YOD1: variants seen among roughly 807,000 people sequenced by gnomAD.
YOD1 encodes ubiquitin thioesterase OTU1.
In YOD1, 17 loss-of-function variants were observed where a neutral mutation model predicts 23.7. The observed-to-expected ratio is 0.72, with a 90% CI of 0.49 to 1.07. The LOEUF (loss-of-function observed/expected upper bound fraction) is 1.07. Among genes scored for constraint, YOD1 ranks in the 50% least tolerant of loss-of-function variants. YOD1 has a pLI of 0.00. For missense variants in YOD1, 413 were observed against 447.2 expected, an observed-to-expected ratio of 0.92 and a Z score of 0.69; for synonymous variants, 191 against 169.6, an observed-to-expected ratio of 1.13 and a Z score of -0.98.
chr1:207,048,185 A>G lies in YOD1; in HGVS notation c.*835T>C, dbSNP rs1682643440. On this transcript the variant is annotated 3_prime_UTR_variant, in exon 2 of 2. Coordinates refer to ENST00000315927, the MANE Select transcript of YOD1 (RefSeq NM_018566.4). ...TATCCAATGTGACAAAGACCAATACATGAATTGCATTAAAACACGAGGCCA... is the reference window on the plus strand; with the variant it reads ...TATCCAATGTGACAAAGACCAATACGTGAATTGCATTAAAACACGAGGCCA... The G allele has an allele frequency of 6.6e-6, 1 of 152,664 alleles. No individual in the cohort carries two copies. The highest frequency in any genetic ancestry group is 1.5e-5 in the Non-Finnish European group (1 of 68,042). 9.5% of individuals were successfully genotyped at this position (152,664 alleles called of 1,614,324 possible). A position where few individuals can be genotyped will look rare whatever the true frequency, so the allele number is the denominator to read the frequency against.
rs200240324 is a variant in YOD1, at chr1:207,049,211, A to C, written c.856T>G (p.Phe286Val). The C allele has an allele frequency of 5.0e-5, 81 of 1,614,050 alleles. No homozygotes were observed. Among genetic ancestry groups the C allele is most frequent in the Non-Finnish European group, 6.6e-5 (78 of 1,180,044 alleles). ...AGAACAATATCATCATTAGAGGAGA[A>C]AATGGTCAGAGGAGGTGTATCTGGA... ...PDPDTPPLTI[F>V]SSNDDIVLVQ... Residue 286 changes from phenylalanine (F) to valine (V), a missense_variant, in exon 2 of 2, where the codon TTC (phenylalanine) becomes GTC (valine). Physicochemically the swap from Phe to Val is conservative, Grantham distance 50. Transcript: ENST00000315927.
chr1:207,052,372 A>G, upstream of YOD1: 1 of 708,932 alleles, frequency 1.4e-6, no homozygotes, highest in South Asian at 1.7e-5. Context: ...TTAGAAGTCC[A>G]CCGGGGTGGC....
Position 207,045,629 on chromosome 1 carries a change from T to G in YOD1, c.*3391A>C, listed in dbSNP as rs190598841. On this transcript the variant is annotated 3_prime_UTR_variant, in exon 2 of 2. Coordinates refer to ENST00000315927, the MANE Select transcript of YOD1 (RefSeq NM_018566.4). ...AAAAAAAAATCACTCTTGCTTAATC[T>G]TGCATACTTCCCATTCCATTTTTTT... 5.3e-5 allele frequency: 8 copies of G among 152,348 alleles called. No homozygotes were observed. Among genetic ancestry groups the G allele is most frequent in the African/African-American group, 1.9e-4 (8 of 41,536 alleles). The allele number at this position is 152,348 out of a possible 1,614,324, so 9.4% of individuals were successfully genotyped here.
At position 207,050,935 on chromosome 1, in the gene YOD1, G is replaced by T. The variant is rs1391195850; in HGVS notation, c.96C>A (p.Gly32=). The change falls in exon 1 of 2, where the codon GGC becomes GGA. Residue 32 remains glycine (G), a synonymous_variant. Coordinates refer to ENST00000315927, the MANE Select transcript of YOD1 (RefSeq NM_018566.4). ...VSQQAAGTKA[G]PAGAWPVGSR... is the part of the protein sequence containing the mutation. ...TGCCCACAGGCCAGGCACCCGCGGG[G>T]CCAGCTTTGGTCCCGGCAGCCTGTT... 1 of 1,584,072 alleles carries T rather than the reference G, an allele frequency of 6.3e-7. No individual in the cohort carries two copies. Among genetic ancestry groups the T allele is most frequent in the Non-Finnish European group, 8.6e-7 (1 of 1,164,840 alleles).
chr1:207,049,300 G>T lies in YOD1; in HGVS notation c.767C>A (p.Thr256Asn). Reference sequence around the variant, plus strand: ...ATCATAAATAAGCAGAACCCTTTTGGTATATCCTGCATCTTCCCCAAAACG... The same window carrying T: ...ATCATAAATAAGCAGAACCCTTTTGTTATATCCTGCATCTTCCCCAAAACG... ...IDRFGEDAGY[T>N]KRVLLIYDGI... is the part of the protein sequence containing the mutation. Residue 256 changes from threonine to asparagine, a missense_variant, in exon 2 of 2, where the codon ACC becomes AAC. Physicochemically the swap from Thr to Asn is moderately conservative, Grantham distance 65 (BLOSUM62 0). Coordinates refer to ENST00000315927, the MANE Select transcript of YOD1 (RefSeq NM_018566.4). 6.2e-7 allele frequency: 1 copy of T among 1,614,050 alleles called. No homozygotes were observed. Among genetic ancestry groups the T allele is most frequent in the Non-Finnish European group, 8.5e-7 (1 of 1,180,030 alleles).
In YOD1 at chr1:207,050,977, G is replaced by T. The variant is rs563387440; in HGVS notation, c.54C>A (p.Phe18Leu). ...CAGCCTGTTGGGAGACGCCGCCGGG[G>T]AAACCAGGCGCCGGGTGGACTCCAA... is the stretch of plus-strand genomic sequence containing the variant. ...RHFGVHPAPGFPGGVSQQAAG... is the reference protein window; with the variant it reads ...RHFGVHPAPGLPGGVSQQAAG... The change falls in exon 1 of 2, where the codon TTC (phenylalanine) becomes TTA (leucine). Residue 18 changes from phenylalanine (F) to leucine (L), a missense_variant. By Grantham distance (22) the Phe-to-Leu change is conservative. Coordinates refer to ENST00000315927, the MANE Select transcript of YOD1 (RefSeq NM_018566.4). 247 of 1,539,722 alleles carry T rather than the reference G, an allele frequency of 1.6e-4. 2 individuals carry two copies. The East Asian group carries it at 2.7e-3, about 17-fold the overall frequency.
rs1682669742 is a variant in YOD1, at chr1:207,049,163, C to T, written c.904G>A (p.Asp302Asn). ...AACTGTCTCCTTCTTCTAGCTTCAT[C>T]TGCTAATTCCAGTGCTTGTACAAGA... ...IVLVQALELA[D>N]EARRRRQFTD... is the part of the protein sequence containing the mutation. Residue 302 changes from aspartate (D) to asparagine (N), a missense_variant, in exon 2 of 2, where the codon GAT (aspartate) becomes AAT (asparagine). Physicochemically the swap from Asp to Asn is conservative, Grantham distance 23 (BLOSUM62 1). Coordinates refer to ENST00000315927, the MANE Select transcript of YOD1 (RefSeq NM_018566.4). 4 of 1,613,984 alleles carry T rather than the reference C, an allele frequency of 2.5e-6. No individual in the cohort carries two copies. Among genetic ancestry groups the T allele is most frequent in the Non-Finnish European group, 3.4e-6 (4 of 1,180,042 alleles).
Position 207,044,014 on chromosome 1 carries a change from T to C in YOD1, c.*5006A>G, listed in dbSNP as rs1044145. The stretch of plus-strand genomic sequence containing the variant: ...AGACATCTTCCAGGTAGCAGCAGTG[T>C]ATTACTTCAAAAAATGCTGGCAAAT... On this transcript the variant is annotated 3_prime_UTR_variant, in exon 2 of 2. Transcript: ENST00000315927. The C allele has an allele frequency of 0.61, 93,053 of 152,426 alleles. 30,033 individuals are homozygous for C. Among genetic ancestry groups the C allele is most frequent in the African/African-American group, 0.81 (33,793 of 41,528 alleles). 9.4% of individuals were successfully genotyped at this position (152,426 alleles called of 1,614,324 possible). A position where few individuals can be genotyped will look rare whatever the true frequency, so the allele number is the denominator to read the frequency against.
chr1:207,046,777 T>C lies in YOD1; in HGVS notation c.*2243A>G, dbSNP rs533100787. 1 of 152,240 alleles carries C rather than the reference T, an allele frequency of 6.6e-6. No individual in the cohort carries two copies. Among genetic ancestry groups the C allele is most frequent in the East Asian group, 1.9e-4 (1 of 5,188 alleles). The allele number at this position is 152,240 out of a possible 1,614,324, so 9.4% of individuals were successfully genotyped here. On this transcript the variant is annotated 3_prime_UTR_variant, in exon 2 of 2. Transcript: ENST00000315927. ...TTCCATTTGTTAAATTTACCCACTG[T>C]AGAAAATATATACTGAATATAAAGT...
At chr1:207,052,276 C>T, upstream of YOD1, 2 of 1,560,386 alleles carry the variant, frequency 1.3e-6, no homozygotes, top group Non-Finnish European at 1.8e-6. Context: ...TTTGCTGGTG[C>T]AATTTTCCTC....
In YOD1 at chr1:207,051,098, C is replaced by A; in HGVS notation, c.-68G>T. ...TGCGGCTTCTGCCTTAGTACCTTAG[C>A]AAGCGCGAACTCTTTTAAAGTGACA... is the stretch of plus-strand genomic sequence containing the variant. On this transcript the variant is annotated 5_prime_UTR_variant, in exon 1 of 2. Coordinates refer to ENST00000315927, the MANE Select transcript of YOD1 (RefSeq NM_018566.4). The A allele has an allele frequency of 7.0e-7, 1 of 1,436,192 alleles. No individual in the cohort carries two copies. The highest frequency in any genetic ancestry group is 9.1e-7 in the Non-Finnish European group (1 of 1,099,498). 89.0% of individuals were successfully genotyped at this position (1,436,192 alleles called of 1,614,324 possible).
chr1:207,046,211 T>C lies in YOD1; in HGVS notation c.*2809A>G, dbSNP rs962043692. 2.6e-5 allele frequency: 4 copies of C among 152,142 alleles called. No individual in the cohort carries two copies. The highest frequency in any genetic ancestry group is 6.5e-5 in the Admixed American group (1 of 15,284). 9.4% of individuals were successfully genotyped at this position (152,142 alleles called of 1,614,324 possible). ...TTTAATTTTTAAAAAAATTCCTCTA[T>C]GGCAGGCAAAAACTCAATGAATAGG... On this transcript the variant is annotated 3_prime_UTR_variant, in exon 2 of 2. Coordinates refer to ENST00000315927, the MANE Select transcript of YOD1 (RefSeq NM_018566.4).
At chr1:207,051,342 A>T (rs1193396408), upstream of YOD1, among the ~76,000 whole-genome samples, 1 of 151,818 alleles carries the variant, frequency 6.6e-6, no homozygotes, top group Admixed American at 6.6e-5. Flanking sequence ...TGGGGCTTCC[A>T]CACTACACCC....
Position 207,051,196 on chromosome 1 carries a change from C to T in YOD1, c.-166G>A. ...CCTAAAGGACAACGGGTCTTGCTAC[C>T]TATAGAGCGAGTGAGGTGCCCTCCG... On this transcript the variant is annotated 5_prime_UTR_variant, in exon 1 of 2. Coordinates refer to ENST00000315927, the MANE Select transcript of YOD1 (RefSeq NM_018566.4). 2 of 1,342,260 alleles carry T rather than the reference C, an allele frequency of 1.5e-6. No homozygotes were observed. The highest frequency in any genetic ancestry group is 1.9e-6 in the Non-Finnish European group (2 of 1,033,066). The allele number at this position is 1,342,260 out of a possible 1,614,324, so 83.1% of individuals were successfully genotyped here.
rs372148879 is a variant in YOD1, at chr1:207,050,760, C to T, written c.271G>A (p.Val91Ile). Reference sequence around the variant, plus strand: ...TCCAGGCACTCGGGAGGGTATCCGACGAGGATTCGCTGACCGCCGGGGGCG... The same window carrying T: ...TCCAGGCACTCGGGAGGGTATCCGATGAGGATTCGCTGACCGCCGGGGGCG... ...GIAPGGQRILVGYPPECLDLS... is the reference protein window; with the variant it reads ...GIAPGGQRILIGYPPECLDLS... Residue 91 changes from valine to isoleucine, a missense_variant, in exon 1 of 2, where the codon GTC (valine) becomes ATC (isoleucine). By Grantham distance (29) the Val-to-Ile change is conservative. Transcript: ENST00000315927. 4.3e-5 allele frequency: 70 copies of T among 1,613,272 alleles called. No homozygotes were observed. Among genetic ancestry groups the T allele is most frequent in the Non-Finnish European group, 5.5e-5 (65 of 1,180,050 alleles).
rs560249136 is a variant in YOD1, at chr1:207,047,486, A to C, written c.*1534T>G. The C allele has an allele frequency of 6.5e-6, 1 of 152,770 alleles. No individual in the cohort carries two copies. The highest frequency in any genetic ancestry group is 1.5e-5 in the Non-Finnish European group (1 of 68,002). The allele number at this position is 152,770 out of a possible 1,614,324, so 9.5% of individuals were successfully genotyped here. A position where few individuals can be genotyped will look rare whatever the true frequency, so the allele number is the denominator to read the frequency against. On this transcript the variant is annotated 3_prime_UTR_variant, in exon 2 of 2. Coordinates refer to ENST00000315927, the MANE Select transcript of YOD1 (RefSeq NM_018566.4). ...TGCTGAAAAAGATCCAAGTGCTTTA[A>C]AGTATACCACTGAATTTCTAAGTGA... is the stretch of plus-strand genomic sequence containing the variant.
At position 207,046,930 on chromosome 1, in the gene YOD1, A is replaced by G. The variant is rs1439528045; in HGVS notation, c.*2090T>C. 1 of 152,124 alleles carries G rather than the reference A, an allele frequency of 6.6e-6. No homozygotes were observed. Among genetic ancestry groups the G allele is most frequent in the Non-Finnish European group, 1.5e-5 (1 of 67,946 alleles). 9.4% of individuals were successfully genotyped at this position (152,124 alleles called of 1,614,324 possible). A position where few individuals can be genotyped will look rare whatever the true frequency, so the allele number is the denominator to read the frequency against. ...AACTTCTAGATCTAAAGCTGTAGTA[A>G]GCAAATGTCAACTCTGTGTCCTGAA... On this transcript the variant is annotated 3_prime_UTR_variant, in exon 2 of 2. Transcript: ENST00000315927.
chr1:207,052,526 T>C (rs1368146636), upstream of YOD1, among the ~76,000 whole-genome samples: 3 of 152,154 alleles, frequency 2.0e-5, no homozygotes, highest in Non-Finnish European at 2.9e-5. Flanking sequence ...CTGGGCGTGG[T>C]GGTCCATGCC....
At chr1:207,052,343 G>T, upstream of YOD1, 1 of 947,762 alleles carries the variant, frequency 1.1e-6, no homozygotes, top group Non-Finnish European at 1.7e-6. Flanking sequence ...GGGGTAGGTA[G>T]GAGGGAAGGT....
Sources: gnomAD v4.1 joint callset for allele counts (sites outside exome capture counted in the v4.1 genomes callset) on GRCh38, gnomAD v4.1.1 for gene constraint, MANE v1.5 for transcripts, NCBI Gene and HGNC (gene_info 2026-07-23, HGNC 2026-07-21) for gene names.